Variants in THBS4 observed in about 807,000 individuals in gnomAD.
THBS4 encodes thrombospondin-4.
A neutral mutation model predicts 115.7 loss-of-function variants in THBS4; 90 were observed. The observed-to-expected ratio is 0.78, with a 90% confidence interval of 0.66 to 0.93. The LOEUF (loss-of-function observed/expected upper bound fraction) is 0.93. Among genes scored for constraint, THBS4 ranks in the 40% least tolerant of loss-of-function variants. The pLI is 0.00. For synonymous variants in THBS4, 460 were observed against 479.3 expected (o/e 0.96, Z 0.53); for missense variants, 1,087 against 1,232.7 (o/e 0.88, Z 1.77).
At chr5:80,076,763 A>G (rs1244752461) in intron 15 of THBS4, 92 bp from the exon 16 acceptor site, 6 of 1,306,460 alleles carry the variant, frequency 4.6e-6, no homozygotes, top group East Asian at 2.7e-5. Context: ...TGGTTTAAAA[A>G]AAACCTCAAG....
intron 17 of THBS4, among the ~76,000 whole-genome samples, chr5:80,078,576 T>C (rs981230780): frequency 6.6e-6 from 1 of 152,130 alleles, no homozygotes; most frequent in African/African-American, 2.4e-5. Flanking sequence ...AACTAAGAAG[T>C]GCAGGCACAG....
chr5:80,057,625 G>T (rs922362847), intron 3 of THBS4, among the ~76,000 whole-genome samples: 1 of 152,128 alleles, frequency 6.6e-6, no homozygotes, highest in African/African-American at 2.4e-5. Context: ...GTTGTATATA[G>T]ATATAATAAA....
At chr5:80,021,330 T>C (rs11954663) in intron 2 of THBS4, among the ~76,000 whole-genome samples, 6,468 of 152,220 alleles carry the variant, frequency 0.042, 165 homozygotes, top group Non-Finnish European at 0.054. Context: ...TTGTCAGACA[T>C]AAAAGAGATT....
intron 2 of THBS4, among the ~76,000 whole-genome samples, chr5:80,049,968 G>A (rs960960422): frequency 2.0e-5 from 3 of 152,288 alleles, no homozygotes; most frequent in Middle Eastern, 3.4e-3. Context: ...CAGAGACACC[G>A]TTTGAGATCC....
intron 2 of THBS4, among the ~76,000 whole-genome samples, chr5:80,001,617 A>T (rs967500039): frequency 6.6e-6 from 1 of 152,218 alleles, no homozygotes; most frequent in Non-Finnish European, 1.5e-5. Flanking sequence ...GCACTCCTGG[A>T]GGAGGTGTAC....
At chr5:80,055,126 A>G (rs1833380214) in intron 2 of THBS4, among the ~76,000 whole-genome samples, 2 of 152,030 alleles carry the variant, frequency 1.3e-5, no homozygotes, top group South Asian at 4.2e-4. Flanking sequence ...TTTCGAGACC[A>G]GCCTGGGCAA....
At chr5:80,044,313 A>G (rs1832992779) in intron 2 of THBS4, among the ~76,000 whole-genome samples, 1 of 152,252 alleles carries the variant, frequency 6.6e-6, no homozygotes. Context: ...ATAGATTGAA[A>G]AGAATAAATG....
At chr5:80,060,083 G>T (rs1464148209) in intron 7 of THBS4, among the ~76,000 whole-genome samples, 178 bp downstream of exon 7, 1 of 152,180 alleles carries the variant, frequency 6.6e-6, no homozygotes, top group Non-Finnish European at 1.5e-5. Context: ...ATGACCCAAG[G>T]TTATGGCTGC....
chr5:80,021,812 T>C (rs1487143540), intron 2 of THBS4, among the ~76,000 whole-genome samples: 1 of 152,192 alleles, frequency 6.6e-6, no homozygotes, highest in Non-Finnish European at 1.5e-5. Context: ...CAGCTGCACT[T>C]GGCCTCATTG....
intron 20 of THBS4, 111 bp downstream of exon 20, chr5:80,080,188 G>A: frequency 7.8e-7 from 1 of 1,287,922 alleles, no homozygotes; most frequent in Non-Finnish European, 1.1e-6. Flanking sequence ...AGTCCCCAAG[G>A]ACATGCCAGG....
chr5:80,005,198 A>G (rs1347553452), intron 2 of THBS4, among the ~76,000 whole-genome samples: 1 of 152,144 alleles, frequency 6.6e-6, no homozygotes, highest in African/African-American at 2.4e-5. Context: ...GTTAATGTTT[A>G]TTTTAGTGCC....
Position 80,043,550 on chromosome 5 carries a change from C to A in THBS4, c.292+3270C>A, listed in dbSNP as rs148387190. Among the ~76,000 whole-genome samples the A allele has an allele frequency of 3.5e-4, 54 of 152,274 alleles. 1 individual carries two copies. The highest frequency in any genetic ancestry group is 1.3e-3 in the African/African-American group (53 of 41,532). Reference sequence around the variant, plus strand: ...AGTGGATCTCTACTGACTTAAAACACCTGAGTAGGAAATAAAACACACCCT... The same window carrying A: ...AGTGGATCTCTACTGACTTAAAACAACTGAGTAGGAAATAAAACACACCCT... On this transcript the variant is annotated intron_variant, in intron 2 of 21. Coordinates refer to ENST00000350881, the MANE Select transcript of THBS4 (RefSeq NM_003248.6).
chr5:79,995,420 A>G (rs1580896472), intron 1 of THBS4, among the ~76,000 whole-genome samples: 1 of 152,326 alleles, frequency 6.6e-6, no homozygotes, highest in Admixed American at 6.5e-5. Flanking sequence ...GCAAGGGATT[A>G]CTGGAGAAAA....
At chr5:80,049,011 G>A (rs184082553) in intron 2 of THBS4, among the ~76,000 whole-genome samples, 1 of 152,220 alleles carries the variant, frequency 6.6e-6, no homozygotes, top group Admixed American at 6.5e-5. Context: ...ACAAAGCAAA[G>A]AGCTCCAGAC....
In THBS4 at chr5:80,079,116, A is replaced by G; in HGVS notation, c.2369A>G (p.Gln790Arg). 6.2e-7 allele frequency: 1 copy of G among 1,614,208 alleles called. No individual in the cohort carries two copies. The highest frequency in any genetic ancestry group is 1.1e-5 in the South Asian group (1 of 91,088). The change falls in exon 19 of 22, where the codon CAG (glutamine) becomes CGG (arginine). Residue 790 changes from glutamine (Q) to arginine (R), a missense_variant. Physicochemically the swap from Gln to Arg is conservative, Grantham distance 43. Around this residue, in one of 3 missense-constraint regions of THBS4, gnomAD observed 979 missense variants for 1,103.7 expected, o/e 0.89. Transcript: ENST00000350881. ...DFEGTFHVNT[Q>R]TDDDYAGFIF... ...GAAGGGACCTTCCATGTGAATACCCAGACAGATGATGACTATGCAGGCTTT... is the reference window on the plus strand; with the variant it reads ...GAAGGGACCTTCCATGTGAATACCCGGACAGATGATGACTATGCAGGCTTT...
intron 2 of THBS4, among the ~76,000 whole-genome samples, chr5:80,012,463 T>C (rs1407239067): frequency 6.6e-6 from 1 of 152,160 alleles, no homozygotes; most frequent in Non-Finnish European, 1.5e-5. Flanking sequence ...ATTAAAACTC[T>C]AGAAACCCAA....
chr5:80,045,392 A>C (rs1001519641), intron 2 of THBS4, among the ~76,000 whole-genome samples: 18 of 152,274 alleles, frequency 1.2e-4, no homozygotes, highest in Admixed American at 6.5e-4. Context: ...AATAGTTCAG[A>C]GTAGTGGTTC....
rs200119894 is a variant in THBS4, at chr5:80,024,610, C to T, written n.178-15467C>T. ...GCTCCACCGTGCTGCCTCTCCAGAT[C>T]ATACATAGCATTATGATTCCTTCAC... On this transcript the variant is annotated intron_variant and non_coding_transcript_variant, in intron 2 of 3. Coordinates refer to the THBS4 transcript ENST00000510218. 2.1e-4 allele frequency among the ~76,000 whole-genome samples: 32 copies of T among 152,294 alleles called. No individual in the cohort carries two copies. The East Asian group carries it at 5.6e-3, about 27-fold the overall frequency.
intron 2 of THBS4, among the ~76,000 whole-genome samples, chr5:80,047,341 G>C (rs1258937326): frequency 6.6e-6 from 1 of 152,160 alleles, no homozygotes; most frequent in Non-Finnish European, 1.5e-5. Context: ...CTTGAAAAGA[G>C]TCACCAAAAG....
Sources: allele counts gnomAD v4.1 joint callset (sites outside exome capture counted in the v4.1 genomes callset), GRCh38; gene constraint gnomAD v4.1.1; regional missense constraint gnomAD v4.1.1; transcripts MANE v1.5; gene names NCBI Gene and HGNC (gene_info 2026-07-23, HGNC 2026-07-21).